Variants in RBPJ observed in about 807,000 individuals in gnomAD.
RBPJ encodes the protein recombining binding protein suppressor of hairless.
RBPJ carries 9 observed loss-of-function variants against 67.8 expected under a neutral mutation model. The observed-to-expected ratio is 0.13, with a 90% confidence interval of 0.08 to 0.23. The LOEUF (loss-of-function observed/expected upper bound fraction) is 0.23, where lower values mean the gene tolerates loss of function less well. RBPJ is among the 10% of genes least tolerant of loss of function. The pLI is 1.00. For missense variants in RBPJ, 305 were observed against 595.6 expected, an observed-to-expected ratio of 0.51 and a Z score of 5.08; for synonymous variants, 198 against 203.3, an observed-to-expected ratio of 0.97 and a Z score of 0.22.
intron 1 of RBPJ, among the ~76,000 whole-genome samples, chr4:26,215,253 A>C (rs1577481803): frequency 7.2e-5 from 1 of 13,836 alleles, no homozygotes. Context: ...GAAAGTAAGA[A>C]AGAAAGGAAG....
At chr4:26,302,209 C>G (rs548200425) in intron 1 of RBPJ, among the ~76,000 whole-genome samples, 1 of 152,288 alleles carries the variant, frequency 6.6e-6, no homozygotes, top group East Asian at 1.9e-4. Context: ...GCCATTGGAG[C>G]TGTCAAGGAG....
At chr4:26,321,407 C>G (rs1003809149) in intron 1 of RBPJ, 1 of 152,136 alleles carries the variant, frequency 6.6e-6, no homozygotes, top group Non-Finnish European at 1.5e-5. Context: ...GTTGTCGCCG[C>G]TTCGCCCCGC....
At chr4:26,319,887 A>G, upstream of RBPJ, 3 of 1,564,458 alleles carry the variant, frequency 1.9e-6, no homozygotes, top group East Asian at 2.3e-5. Flanking sequence ...GGGGGGCTGC[A>G]GGTAGGAGGA....
At chr4:26,270,869 TC>T (rs995161780) in intron 1 of RBPJ, among the ~76,000 whole-genome samples, 53 of 151,274 alleles carry the variant, frequency 3.5e-4, no homozygotes, top group Non-Finnish European at 4.9e-4. Flanking sequence ...AAAATCCGCC[TC>T]CCCCCCACCC....
chr4:26,390,483 G>C (rs1469298408), intron 2 of RBPJ, among the ~76,000 whole-genome samples: 1 of 152,228 alleles, frequency 6.6e-6, no homozygotes, highest in Non-Finnish European at 1.5e-5. Context: ...ATGATCATAT[G>C]TATAGAAAAT....
chr4:26,135,995 C>T, the RBPJ span, among the ~76,000 whole-genome samples: 1 of 152,190 alleles, frequency 6.6e-6, no homozygotes, highest in Non-Finnish European at 1.5e-5. Context: ...GGAGACCTCA[C>T]AATCACAGTG....
At chr4:26,357,470 A>G (rs1412505530) in intron 1 of RBPJ, among the ~76,000 whole-genome samples, 3 of 152,364 alleles carry the variant, frequency 2.0e-5, no homozygotes, top group South Asian at 2.1e-4. Context: ...TATAAAACAA[A>G]GGAAATATTT....
intron 1 of RBPJ, among the ~76,000 whole-genome samples, chr4:26,369,847 C>T (rs747372346): frequency 6.6e-6 from 1 of 152,138 alleles, no homozygotes; most frequent in African/African-American, 2.4e-5. Flanking sequence ...CTGCTTTCCT[C>T]CCTCTCTCTT....
chr4:26,422,636 A>C (rs528572138), intron 5 of RBPJ, among the ~76,000 whole-genome samples: 1 of 151,922 alleles, frequency 6.6e-6, no homozygotes, highest in East Asian at 1.9e-4. Flanking sequence ...GTTGTTTTGT[A>C]TTGGTTATAT....
the RBPJ span, among the ~76,000 whole-genome samples, chr4:26,121,873 CTTTTTT>C: frequency 1.1e-5 from 1 of 94,108 alleles, no homozygotes; most frequent in Non-Finnish European, 2.0e-5. Context: ...GAGTATCTCT[CTTTTTT>C]TTTTTTTTTT....
chr4:26,233,241 TG>T (rs1015411501), intron 1 of RBPJ, among the ~76,000 whole-genome samples: 2 of 152,234 alleles, frequency 1.3e-5, no homozygotes, highest in African/African-American at 4.8e-5. Flanking sequence ...ATTAAAATAC[TG>T]GGGGGGAAAA....
At chr4:26,314,705 TGCTTCCTGTACAGTCTGCGGAACCGTGA>T (rs1400543261), upstream of RBPJ, among the ~76,000 whole-genome samples, 1 of 152,210 alleles carries the variant, frequency 6.6e-6, no homozygotes, top group African/African-American at 2.4e-5. Context: ...GATGCTGTCA[TGCTTCCTGTACAGTCTGCGGAACCGTGA>T]GCCAATGAAA....
chr4:26,332,449 A>G (rs1011731861), intron 1 of RBPJ, among the ~76,000 whole-genome samples: 5 of 152,322 alleles, frequency 3.3e-5, no homozygotes, highest in African/African-American at 1.2e-4. Context: ...CTAAGCTACC[A>G]TATACATTTT....
chr4:26,237,778 C>A (rs1487701157), intron 1 of RBPJ, among the ~76,000 whole-genome samples: 1 of 152,146 alleles, frequency 6.6e-6, no homozygotes, highest in Non-Finnish European at 1.5e-5. Context: ...AATAAAGATA[C>A]CTAGCCTGGT....
the RBPJ span, among the ~76,000 whole-genome samples, chr4:26,127,909 T>C: frequency 6.6e-6 from 1 of 152,216 alleles, no homozygotes; most frequent in Non-Finnish European, 1.5e-5. Context: ...GAGGGAAACA[T>C]GCCACCCATT....
intron 1 of RBPJ, among the ~76,000 whole-genome samples, chr4:26,234,511 T>A (rs769229837): frequency 6.6e-6 from 1 of 152,178 alleles, no homozygotes; most frequent in Non-Finnish European, 1.5e-5. Context: ...TTTCTTACCT[T>A]GTTCAAGTCT....
intron 1 of RBPJ, among the ~76,000 whole-genome samples, chr4:26,228,645 A>G (rs1719163001): frequency 6.6e-6 from 1 of 152,266 alleles, no homozygotes; most frequent in Non-Finnish European, 1.5e-5. Context: ...ACGTGTTACT[A>G]GTCAACAAAA....
At chr4:26,400,883 T>C (rs1352020529) in intron 2 of RBPJ, among the ~76,000 whole-genome samples, 6 of 152,222 alleles carry the variant, frequency 3.9e-5, no homozygotes, top group Non-Finnish European at 7.3e-5. Flanking sequence ...GCCTAGAATA[T>C]AGTAAGCTTC....
intron 1 of RBPJ, among the ~76,000 whole-genome samples, chr4:26,222,633 A>AATAC (rs138678139): frequency 4.4e-5 from 6 of 135,926 alleles, no homozygotes; most frequent in Non-Finnish European, 9.4e-5. Flanking sequence ...TGTACTCTGA[A>AATAC]ATATATATAT....
Sources: gnomAD v4.1 joint callset for allele counts (sites outside exome capture counted in the v4.1 genomes callset) on GRCh38, gnomAD v4.1.1 for gene constraint, MANE v1.5 for transcripts, NCBI Gene and HGNC (gene_info 2026-07-23, HGNC 2026-07-21) for gene names.